The following DROSHA variants were observed in gnomAD, a reference collection of about 807,000 sequenced individuals.
The protein encoded by DROSHA is ribonuclease 3.
A neutral mutation model predicts 181.9 loss-of-function variants in DROSHA; 56 were observed. The observed-to-expected ratio is 0.31, with a 90% CI of 0.25 to 0.38. The LOEUF (loss-of-function observed/expected upper bound fraction) is 0.38. Among genes scored for constraint, DROSHA ranks in the 10% least tolerant of loss-of-function variants. The pLI, the probability that DROSHA is intolerant of heterozygous loss-of-function variation, is 1.00. For missense variants in DROSHA, 1,218 were observed against 1,743.5 expected (o/e 0.70, Z 5.37); for synonymous variants, 524 against 591.2 (o/e 0.89, Z 1.65).
chr5:31,449,441 T>A (rs1746697089), intron 21 of DROSHA, 22 bp from the exon 22 acceptor site: 1 of 1,550,418 alleles, frequency 6.4e-7, no homozygotes, highest in Admixed American at 2.0e-5. Context: ...ATGAAATAAG[T>A]TCAGTCTTTA....
chr5:31,459,415 A>T (rs1179745259), intron 20 of DROSHA, among the ~76,000 whole-genome samples: 10 of 16,742 alleles, frequency 6.0e-4, no homozygotes, highest in South Asian at 5.6e-3. Flanking sequence ...CCCATGTCTT[A>T]AAAAAAAAAA....
intron 35 of DROSHA, among the ~76,000 whole-genome samples, chr5:31,401,883 C>T (rs1054351044): frequency 6.6e-5 from 10 of 152,238 alleles, no homozygotes; most frequent in African/African-American, 2.4e-4. Context: ...GGTGCTTTAG[C>T]ATCACTCTCC....
At chr5:31,459,853 T>G (rs1748189529) in intron 20 of DROSHA, among the ~76,000 whole-genome samples, 1 of 152,230 alleles carries the variant, frequency 6.6e-6, no homozygotes, top group Non-Finnish European at 1.5e-5. Flanking sequence ...ACAACTCAGC[T>G]TTCCTCAAAG....
chr5:31,528,903 G>T, intron 4 of DROSHA, 137 bp downstream of exon 4: 1 of 1,179,502 alleles, frequency 8.5e-7, no homozygotes, highest in Non-Finnish European at 1.2e-6. Context: ...ATTGTATTGT[G>T]CCCACTGTTG....
At chr5:31,421,875 A>AG (rs1287754787) in intron 29 of DROSHA, 2 of 81,994 alleles carry the variant, frequency 2.4e-5, no homozygotes, top group Admixed American at 1.2e-4. Context: ...TCTCTACAAA[A>AG]AAAAAAAAAA....
intron 20 of DROSHA, 24 bp downstream of exon 20, chr5:31,464,212 C>T (rs376669398): frequency 1.0e-5 from 16 of 1,605,168 alleles, no homozygotes; most frequent in Non-Finnish European, 1.4e-5. Flanking sequence ...ATGGGCATAA[C>T]TGTGTCCTCA....
chr5:31,441,655 A>C (rs1305662759), intron 23 of DROSHA, among the ~76,000 whole-genome samples: 2 of 152,200 alleles, frequency 1.3e-5, no homozygotes, highest in African/African-American at 4.8e-5. Context: ...GAAAACATCA[A>C]GGAATAGAGG....
At chr5:31,491,729 T>A (rs1301399470) in intron 13 of DROSHA, among the ~76,000 whole-genome samples, 1 of 148,770 alleles carries the variant, frequency 6.7e-6, no homozygotes, top group Non-Finnish European at 1.5e-5. Context: ...ATCATGAAAA[T>A]TCAGAAACCT....
At chr5:31,428,732 C>T (rs900109723) in intron 27 of DROSHA, among the ~76,000 whole-genome samples, 4 of 152,086 alleles carry the variant, frequency 2.6e-5, no homozygotes, top group Non-Finnish European at 4.4e-5. Flanking sequence ...ACTGGCTTCC[C>T]GTGTTCTTTA....
chr5:31,411,023 AT>A lies in DROSHA; in HGVS notation c.3526-137del. On this transcript the variant is annotated intron_variant, in intron 30 of 35. Coordinates refer to ENST00000344624, the MANE Select transcript of DROSHA (RefSeq NM_001382508.1). The surrounding 1 kb of genome is among the most constrained non-coding windows in gnomAD (Gnocchi z 4.2). ...ATAAGTGAGGTCTATGGCCTCAACC[AT>A]CACCCAGATGACAGTGATATGCTCC... 1 of 1,233,672 alleles carries A rather than the reference AT, an allele frequency of 8.1e-7. No individual in the cohort carries two copies. Among genetic ancestry groups the A allele is most frequent in the Non-Finnish European group, 1.1e-6 (1 of 886,844 alleles). The allele number at this position is 1,233,672 out of a possible 1,614,324, so 76.4% of individuals were successfully genotyped here.
chr5:31,483,475 C>T lies in DROSHA; in HGVS notation c.2071+79G>A, dbSNP rs61744211. The T allele has an allele frequency of 5.1e-4, 730 of 1,436,284 alleles. 6 individuals carry two copies. The African/African-American group carries it at 9.4e-3, about 19-fold the overall frequency. 89.0% of individuals were successfully genotyped at this position (1,436,284 alleles called of 1,614,324 possible). ...AGTATCGAAGGTGGGAAAGTTGTCC[C>T]TGAAGACTGAAAGGAAAATGGCAAG... On this transcript the variant is annotated intron_variant, in intron 16 of 35. Transcript: ENST00000344624.
chr5:31,483,157 A>G (rs1438291561), intron 16 of DROSHA, among the ~76,000 whole-genome samples: 2 of 152,212 alleles, frequency 1.3e-5, no homozygotes, highest in African/African-American at 2.4e-5. Context: ...AAAAATCACT[A>G]TAATCCTACT....
chr5:31,436,007 T>C (rs1744739926), intron 24 of DROSHA, 143 bp from the exon 25 acceptor site: 4 of 713,680 alleles, frequency 5.6e-6, no homozygotes, highest in Middle Eastern at 3.9e-4. Context: ...ATTAAAGTCT[T>C]TGAAAGTTAA....
intron 30 of DROSHA, among the ~76,000 whole-genome samples, chr5:31,412,905 G>A (rs191472228): frequency 1.6e-4 from 25 of 152,270 alleles, no homozygotes; most frequent in African/African-American, 4.3e-4. Flanking sequence ...AGAGGCTGTG[G>A]GGGAATAGGA....
At chr5:31,478,412 T>C (rs1391567297) in intron 16 of DROSHA, among the ~76,000 whole-genome samples, 3 of 152,210 alleles carry the variant, frequency 2.0e-5, no homozygotes, top group Non-Finnish European at 4.4e-5. Context: ...GGGCTGTGGG[T>C]TGGACAAGCT....
At chr5:31,472,310 A>C in intron 16 of DROSHA, 78 bp from the exon 17 acceptor site, 1 of 1,454,956 alleles carries the variant, frequency 6.9e-7, no homozygotes, top group Non-Finnish European at 9.1e-7. Context: ...CTGAATAAGG[A>C]AAAAAACAAG....
chr5:31,502,601 G>A (rs549992436), intron 11 of DROSHA, among the ~76,000 whole-genome samples: 1 of 152,316 alleles, frequency 6.6e-6, no homozygotes, highest in East Asian at 1.9e-4. Context: ...AGCATACCCA[G>A]GAGCCAAGAG....
At chr5:31,424,682 C>CG (rs1743263150) in intron 27 of DROSHA, among the ~76,000 whole-genome samples, 4 of 152,116 alleles carry the variant, frequency 2.6e-5, no homozygotes, top group African/African-American at 9.6e-5. Context: ...TATTAAGCTA[C>CG]GGGGGAAAAG....
intron 9 of DROSHA, among the ~76,000 whole-genome samples, chr5:31,510,305 C>A (rs926682721): frequency 1.3e-5 from 2 of 152,184 alleles, no homozygotes; most frequent in African/African-American, 2.4e-5. Context: ...GGTCACATAT[C>A]AAGTAGGTGG....
Sources: allele counts gnomAD v4.1 joint callset (sites outside exome capture counted in the v4.1 genomes callset), GRCh38; gene constraint gnomAD v4.1.1; non-coding constraint Gnocchi (gnomAD v3.1); transcripts MANE v1.5; gene names NCBI Gene and HGNC (gene_info 2026-07-23, HGNC 2026-07-21).